CRYBG1: variants seen among roughly 807,000 people sequenced by gnomAD.
CRYBG1 encodes crystallin beta-gamma domain containing 1, also known as beta/gamma crystallin domain-containing protein 1.
In CRYBG1, 139 loss-of-function variants were observed where a neutral mutation model predicts 189.2. The observed-to-expected ratio is 0.73, with a 90% CI of 0.64 to 0.85. The LOEUF (loss-of-function observed/expected upper bound fraction) is 0.85, where lower values mean the gene tolerates loss of function less well. Ranked by LOEUF, CRYBG1 falls within the 40% of genes least tolerant of loss-of-function variation. CRYBG1 has a pLI of 0.00. For missense variants in CRYBG1, 2,611 were observed against 2,675.8 expected (o/e 0.98, Z 0.53); for synonymous variants, 1,023 against 1,017.1 (o/e 1.01, Z -0.11).
intron 4 of CRYBG1, among the ~76,000 whole-genome samples, chr6:106,521,963 G>A (rs997287579): frequency 6.6e-6 from 1 of 152,050 alleles, no homozygotes; most frequent in African/African-American, 2.4e-5. Flanking sequence ...TCGAACTCCT[G>A]ACCTCGTGAT....
At chr6:106,553,401 T>G in intron 15 of CRYBG1, 54 bp from the exon 16 acceptor site, 1 of 1,218,212 alleles carries the variant, frequency 8.2e-7, no homozygotes, top group Non-Finnish European at 1.2e-6. Context: ...AAGGCTAAAT[T>G]AGTTAATGTG....
At position 106,570,978 on chromosome 6, in the gene CRYBG1, G is replaced by A. The variant is rs954250873; in HGVS notation, c.*2412G>A. ...AAACACTTACCGTAAATGAATATTCGAAGTGCACACTGCAATGGGTTGATT... is the reference window on the plus strand; with the variant it reads ...AAACACTTACCGTAAATGAATATTCAAAGTGCACACTGCAATGGGTTGATT... On this transcript the variant is annotated 3_prime_UTR_variant, in exon 22 of 22. Coordinates refer to ENST00000633556, the MANE Select transcript of CRYBG1 (RefSeq NM_001371242.2). 6 of 152,136 alleles carry A rather than the reference G, an allele frequency of 3.9e-5. No homozygotes were observed. Among genetic ancestry groups the A allele is most frequent in the South Asian group, 2.1e-4 (1 of 4,828 alleles). 9.4% of individuals were successfully genotyped at this position (152,136 alleles called of 1,614,324 possible). A position where few individuals can be genotyped will look rare whatever the true frequency, so the allele number is the denominator to read the frequency against.
intron 1 of CRYBG1, among the ~76,000 whole-genome samples, chr6:106,425,164 T>C (rs1771202428): frequency 6.6e-6 from 1 of 152,156 alleles, no homozygotes; most frequent in African/African-American, 2.4e-5. Context: ...CTCAGCCCCT[T>C]GGGAATACAT....
Position 106,465,069 on chromosome 6 carries a change from G to A in CRYBG1, c.312+13237G>A, listed in dbSNP as rs115189937. On this transcript the variant is annotated intron_variant, in intron 2 of 21. Transcript: ENST00000633556. ...TCTGATTAAATATTATCTTATTTGC[G>A]AAGTTCCCCTAATTCCCAGCTGGCA... 6.4e-3 allele frequency among the ~76,000 whole-genome samples: 980 copies of A among 152,086 alleles called. 18 individuals carry two copies. Among genetic ancestry groups the A allele is most frequent in the African/African-American group, 0.022 (929 of 41,508 alleles).
chr6:106,440,510 A>G (rs1311263120), intron 1 of CRYBG1, among the ~76,000 whole-genome samples: 1 of 152,026 alleles, frequency 6.6e-6, no homozygotes, highest in African/African-American at 2.4e-5. Context: ...CAAGCGATCC[A>G]CCTGCCTCAG....
chr6:106,468,388 C>T lies in CRYBG1; in HGVS notation c.312+16556C>T, dbSNP rs191033786. On this transcript the variant is annotated intron_variant, in intron 2 of 21. Transcript: ENST00000633556. ...CAAACTAGGCAGTTTTAGAAGCTGG[C>T]GGGAAGTCATCAGGAAATTGATGGC... 1.5e-3 allele frequency among the ~76,000 whole-genome samples: 224 copies of T among 152,260 alleles called. 2 individuals are homozygous for T. The highest frequency in any genetic ancestry group is 5.3e-4 in the Non-Finnish European group (36 of 68,014).
At chr6:106,407,061 G>T (rs1036985168) in intron 1 of CRYBG1, among the ~76,000 whole-genome samples, 2 of 152,080 alleles carry the variant, frequency 1.3e-5, no homozygotes, top group African/African-American at 4.8e-5. Context: ...AATGGCCTAA[G>T]TGCCCCCAGT....
intron 1 of CRYBG1, among the ~76,000 whole-genome samples, chr6:106,372,938 G>A (rs986206205): frequency 1.3e-5 from 2 of 152,082 alleles, no homozygotes; most frequent in Non-Finnish European, 2.9e-5. Flanking sequence ...CTTCTTTCTG[G>A]CTCTAAACCT....
intron 15 of CRYBG1, among the ~76,000 whole-genome samples, chr6:106,553,220 G>T (rs1774449712): frequency 6.6e-6 from 1 of 152,202 alleles, no homozygotes; most frequent in Non-Finnish European, 1.5e-5. Context: ...AGTTACCTTT[G>T]TTGTTGCATT....
intron 21 of CRYBG1, 63 bp downstream of exon 21, chr6:106,563,989 C>A: frequency 6.8e-7 from 1 of 1,479,688 alleles, no homozygotes; most frequent in Non-Finnish European, 9.3e-7. Flanking sequence ...AAGGAAAAAT[C>A]TATTCATAAC....
chr6:106,530,466 C>T, intron 8 of CRYBG1, 151 bp downstream of exon 8: 2 of 719,036 alleles, frequency 2.8e-6, no homozygotes, highest in South Asian at 2.8e-5. Context: ...ACGTAAAATT[C>T]TGATTCTTTT....
chr6:106,416,758 T>C (rs776868516), intron 1 of CRYBG1, among the ~76,000 whole-genome samples: 5 of 152,240 alleles, frequency 3.3e-5, no homozygotes, highest in Non-Finnish European at 5.9e-5. Flanking sequence ...ATTATACACA[T>C]TGTGTGTTTG....
intron 1 of CRYBG1, among the ~76,000 whole-genome samples, chr6:106,407,196 C>T (rs1002254359): frequency 8.2e-6 from 1 of 121,898 alleles, no homozygotes; most frequent in African/African-American, 3.1e-5. Flanking sequence ...GAATATTTAC[C>T]AAGAATATGG....
At chr6:106,456,013 C>T (rs763422666) in intron 2 of CRYBG1, among the ~76,000 whole-genome samples, 4 of 152,146 alleles carry the variant, frequency 2.6e-5, no homozygotes, top group African/African-American at 9.7e-5. Flanking sequence ...TGCTTGTCTG[C>T]CCCATCATTC....
chr6:106,406,772 A>G (rs1387467585), intron 1 of CRYBG1, among the ~76,000 whole-genome samples: 2 of 152,240 alleles, frequency 1.3e-5, no homozygotes, highest in Non-Finnish European at 2.9e-5. Context: ...CCAGAATTTC[A>G]TATCCAGCCA....
At chr6:106,491,084 T>C (rs1450554549) in intron 2 of CRYBG1, among the ~76,000 whole-genome samples, 1 of 152,256 alleles carries the variant, frequency 6.6e-6, no homozygotes, top group East Asian at 1.9e-4. Flanking sequence ...TTCATTATGA[T>C]AACCACAAAG....
At chr6:106,545,058 C>A in intron 13 of CRYBG1, 125 bp downstream of exon 13, 1 of 764,084 alleles carries the variant, frequency 1.3e-6, no homozygotes, top group Non-Finnish European at 2.0e-6. Context: ...AACATTAAAT[C>A]AGTCATTTAA....
At chr6:106,527,051 T>C (rs1270031879) in intron 6 of CRYBG1, among the ~76,000 whole-genome samples, 2 of 151,356 alleles carry the variant, frequency 1.3e-5, no homozygotes, top group African/African-American at 4.9e-5. Context: ...CTTAGAACAT[T>C]AGTAGCTCTA....
chr6:106,429,698 G>A (rs1771290470), intron 1 of CRYBG1, among the ~76,000 whole-genome samples: 1 of 152,138 alleles, frequency 6.6e-6, no homozygotes, highest in Non-Finnish European at 1.5e-5. Flanking sequence ...ACTTCCTGTG[G>A]ACTGTAGGCC....
Sources: allele counts gnomAD v4.1 joint callset (sites outside exome capture counted in the v4.1 genomes callset), GRCh38; gene constraint gnomAD v4.1.1; transcripts MANE v1.5; gene names NCBI Gene and HGNC (gene_info 2026-07-23, HGNC 2026-07-21).